The following CADM2 variants were observed in gnomAD, a reference collection of about 807,000 sequenced individuals.
CADM2 encodes immunoglobulin superfamily member 4D.
CADM2 carries 12 observed loss-of-function variants against 49.8 expected under a neutral mutation model. The ratio of observed to expected loss-of-function variants is 0.24; its 90% CI spans 0.15 to 0.39. The LOEUF (loss-of-function observed/expected upper bound fraction) is 0.39. CADM2 is among the 10% of genes least tolerant of loss of function. CADM2 has a pLI of 1.00. For synonymous variants in CADM2, 214 were observed against 175.4 expected (o/e 1.22, Z -1.74); for missense variants, 378 against 492.3 (o/e 0.77, Z 2.20).
At chr3:85,398,037 G>A (rs554559212) in intron 1 of CADM2, among the ~76,000 whole-genome samples, 180 of 151,948 alleles carry the variant, frequency 1.2e-3, no homozygotes, top group Middle Eastern at 0.01. Context: ...TTAAGTTCTA[G>A]GTTACATGTG....
chr3:85,846,071 AC>A (rs1184715948), intron 3 of CADM2, among the ~76,000 whole-genome samples: 4 of 152,102 alleles, frequency 2.6e-5, no homozygotes, highest in African/African-American at 9.7e-5. Context: ...CATAGGAGAG[AC>A]TCAGAGAAGT....
intron 1 of CADM2, among the ~76,000 whole-genome samples, chr3:85,644,567 C>T (rs1302871049): frequency 1.3e-5 from 2 of 152,152 alleles, no homozygotes; most frequent in Non-Finnish European, 2.9e-5. Context: ...GTGAGAGGTA[C>T]AGCAGCAACG....
intron 1 of CADM2, among the ~76,000 whole-genome samples, chr3:85,588,752 A>G (rs1236087780): frequency 2.6e-5 from 4 of 151,944 alleles, no homozygotes; most frequent in Admixed American, 2.0e-4. Context: ...GCCAGTAAGA[A>G]AAGGCAAATG....
At chr3:85,187,749 T>G (rs1021619949) in intron 1 of CADM2, among the ~76,000 whole-genome samples, 8 of 152,104 alleles carry the variant, frequency 5.3e-5, no homozygotes, top group African/African-American at 1.9e-4. Flanking sequence ...AAAAAGGCAC[T>G]TTTTCTTCAA....
intron 1 of CADM2, among the ~76,000 whole-genome samples, chr3:85,027,017 T>G (rs2034757086): frequency 6.6e-6 from 1 of 151,814 alleles, no homozygotes; most frequent in African/African-American, 2.4e-5. Flanking sequence ...TAGTGCATCT[T>G]TTTCTACTTA....
intron 1 of CADM2, among the ~76,000 whole-genome samples, chr3:85,643,799 TTGTTATTATATG>T: frequency 6.6e-6 from 1 of 152,168 alleles, no homozygotes; most frequent in African/African-American, 2.4e-5. Context: ...TTAAGGATTA[TTGTTATTATATG>T]TGGAGTCATT....
intron 1 of CADM2, among the ~76,000 whole-genome samples, chr3:85,412,989 A>C (rs1295472218): frequency 1.3e-5 from 2 of 151,372 alleles, no homozygotes; most frequent in Admixed American, 6.6e-5. Flanking sequence ...AAAACACAAA[A>C]AATTAGCCAG....
At chr3:84,966,226 T>C (rs550505597) in intron 1 of CADM2, among the ~76,000 whole-genome samples, 1 of 152,250 alleles carries the variant, frequency 6.6e-6, no homozygotes, top group South Asian at 2.1e-4. Flanking sequence ...CAGTTAAATA[T>C]TAATGTCAAA....
At chr3:86,014,670 A>G in intron 8 of CADM2, 1 of 1,557,120 alleles carries the variant, frequency 6.4e-7, no homozygotes, top group Non-Finnish European at 8.7e-7. Context: ...ACCCTCAGTC[A>G]TGGGACAACT....
At chr3:85,572,781 T>C (rs7616458) in intron 1 of CADM2, among the ~76,000 whole-genome samples, 78,022 of 151,976 alleles carry the variant, frequency 0.51, 23,068 homozygotes, top group East Asian at 0.85. Context: ...TATTCACTTT[T>C]TCTTTTTGTT....
Position 85,979,286 on chromosome 3 carries a change from A to G in CADM2, c.970+17639A>G, listed in dbSNP as rs189908189. ...TGCAACAACCAGCAGCATCAGAGGT[A>G]CAGTATGTTTCTTTGTTATAGCCTG... On this transcript the variant is annotated intron_variant, in intron 8 of 9. Transcript: ENST00000383699. The G allele has an allele frequency of 3.1e-3, 4,922 of 1,609,828 alleles. 34 individuals are homozygous for G. Among genetic ancestry groups the G allele is most frequent in the South Asian group, 0.017 (1,522 of 90,860 alleles).
At chr3:84,988,759 A>G (rs1026020319) in intron 1 of CADM2, among the ~76,000 whole-genome samples, 2 of 152,056 alleles carry the variant, frequency 1.3e-5, no homozygotes, top group African/African-American at 2.4e-5. Flanking sequence ...TTTTCATCCT[A>G]TCTTCAACTT....
chr3:85,977,123 TATA>T (rs1374856150), intron 8 of CADM2, among the ~76,000 whole-genome samples: 1 of 150,954 alleles, frequency 6.6e-6, no homozygotes, highest in Non-Finnish European at 1.5e-5. Context: ...CAAATACTAC[TATA>T]ATAATAATAA....
intron 1 of CADM2, among the ~76,000 whole-genome samples, chr3:85,118,585 C>T (rs750958685): frequency 2.0e-5 from 3 of 152,134 alleles, no homozygotes; most frequent in Non-Finnish European, 4.4e-5. Flanking sequence ...AAAGACCCAT[C>T]CTCATGACTC....
intron 1 of CADM2, among the ~76,000 whole-genome samples, chr3:85,062,939 T>C (rs2036389548): frequency 6.6e-6 from 1 of 152,068 alleles, no homozygotes; most frequent in East Asian, 1.9e-4. Context: ...ACTATTTGAT[T>C]TGAATTGAGG....
intron 1 of CADM2, among the ~76,000 whole-genome samples, chr3:85,446,706 G>A (rs925404488): frequency 4.0e-5 from 6 of 148,886 alleles, no homozygotes; most frequent in Admixed American, 6.7e-5. Flanking sequence ...AGGTTCAAGC[G>A]ATTCTCCTGC....
intron 1 of CADM2, among the ~76,000 whole-genome samples, chr3:85,533,921 T>A (rs2061372591): frequency 6.6e-6 from 1 of 152,004 alleles, no homozygotes; most frequent in Admixed American, 6.6e-5. Flanking sequence ...CTATTTTACA[T>A]ATTCTACAGA....
chr3:85,938,997 G>T (rs1721507929), intron 7 of CADM2, among the ~76,000 whole-genome samples: 2 of 151,964 alleles, frequency 1.3e-5, no homozygotes, highest in Admixed American at 1.3e-4. Context: ...GAGTAATTAG[G>T]TATATTGGTA....
intron 1 of CADM2, among the ~76,000 whole-genome samples, chr3:85,650,867 G>A (rs576164922): frequency 1.3e-5 from 2 of 148,152 alleles, no homozygotes; most frequent in East Asian, 2.0e-4. Context: ...CTTCTAAATG[G>A]CCACATTATA....
Sources: gnomAD v4.1 joint callset for allele counts (sites outside exome capture counted in the v4.1 genomes callset) on GRCh38, gnomAD v4.1.1 for gene constraint, MANE v1.5 for transcripts, NCBI Gene and HGNC (gene_info 2026-07-23, HGNC 2026-07-21) for gene names.